The following NIBAN1 variants were observed in gnomAD, a reference collection of about 807,000 sequenced individuals.
NIBAN1 encodes protein Niban 1.
Under a neutral mutation model 75.1 loss-of-function variants are expected in NIBAN1, and 81 were observed. The ratio of observed to expected loss-of-function variants is 1.08; its 90% confidence interval spans 0.90 to 1.30. The LOEUF (loss-of-function observed/expected upper bound fraction) is 1.30, where lower values mean the gene tolerates loss of function less well. Among genes scored for constraint, NIBAN1 ranks in the 50% most tolerant of loss-of-function variants. The pLI, the probability that NIBAN1 is intolerant of heterozygous loss-of-function variation, is 0.00. For missense variants in NIBAN1, 1,133 were observed against 1,128.1 expected, an observed-to-expected ratio of 1.00 and a Z score of -0.06; for synonymous variants, 436 against 424.8, an observed-to-expected ratio of 1.03 and a Z score of -0.32.
chr1:184,896,874 G>GGTTC (rs1419921704), intron 2 of NIBAN1, among the ~76,000 whole-genome samples: 3 of 151,804 alleles, frequency 2.0e-5, no homozygotes, highest in Non-Finnish European at 4.4e-5. Context: ...TTTATTTCTG[G>GGTTC]GTTCTCCATT....
intron 5 of NIBAN1, among the ~76,000 whole-genome samples, chr1:184,872,065 C>T (rs967404357): frequency 6.6e-6 from 1 of 151,974 alleles, no homozygotes; most frequent in Non-Finnish European, 1.5e-5. Context: ...AATAAGGTAC[C>T]ATGAGTAAGA....
chr1:184,899,141 A>G, intron 2 of NIBAN1, 38 bp downstream of exon 2: 1 of 1,610,806 alleles, frequency 6.2e-7, no homozygotes, highest in South Asian at 1.1e-5. Flanking sequence ...AGCCTTCTTC[A>G]AGGGGAAATA....
intron 5 of NIBAN1, among the ~76,000 whole-genome samples, chr1:184,833,554 T>C (rs1421667001): frequency 6.6e-6 from 1 of 151,784 alleles, no homozygotes; most frequent in East Asian, 1.9e-4. Flanking sequence ...CAAAAAAAAT[T>C]AGCTGAGCAC....
intron 1 of NIBAN1, among the ~76,000 whole-genome samples, chr1:184,904,725 T>C (rs1166124147): frequency 1.3e-5 from 2 of 152,078 alleles, no homozygotes; most frequent in South Asian, 2.1e-4. Flanking sequence ...CCAAGGTGGG[T>C]GGATCACTTG....
intron 3 of NIBAN1, among the ~76,000 whole-genome samples, chr1:184,893,769 C>G (rs1016685169): frequency 6.6e-6 from 1 of 152,220 alleles, no homozygotes; most frequent in East Asian, 1.9e-4. Context: ...TGTCTTCATA[C>G]TCACTTGCAA....
chr1:184,946,846 G>A (rs1400635918), intron 1 of NIBAN1, among the ~76,000 whole-genome samples: 1 of 152,094 alleles, frequency 6.6e-6, no homozygotes, highest in Non-Finnish European at 1.5e-5. Context: ...GGCCAAGGCG[G>A]ATGGATCACC....
intron 5 of NIBAN1, among the ~76,000 whole-genome samples, chr1:184,841,754 G>A (rs1316871155): frequency 6.6e-6 from 1 of 152,162 alleles, no homozygotes; most frequent in Non-Finnish European, 1.5e-5. Context: ...CCAACAGGAT[G>A]TCAAAATTTC....
chr1:184,917,816 A>G (rs1657434608), intron 1 of NIBAN1, among the ~76,000 whole-genome samples: 1 of 152,126 alleles, frequency 6.6e-6, no homozygotes, highest in Non-Finnish European at 1.5e-5. Flanking sequence ...AAGTCCCAGA[A>G]AAGAAAATTA....
At chr1:184,932,478 C>T (rs1028060712) in intron 1 of NIBAN1, among the ~76,000 whole-genome samples, 2 of 152,038 alleles carry the variant, frequency 1.3e-5, no homozygotes, top group Non-Finnish European at 2.9e-5. Context: ...CTAATGCTGC[C>T]GCTGACCTGA....
At chr1:184,851,742 TA>T (rs1655542752) in intron 5 of NIBAN1, among the ~76,000 whole-genome samples, 1 of 151,758 alleles carries the variant, frequency 6.6e-6, no homozygotes, top group South Asian at 2.1e-4. Flanking sequence ...GCATAAGAAA[TA>T]AAAGGTGAGT....
At chr1:184,915,286 T>G (rs763333870) in intron 1 of NIBAN1, among the ~76,000 whole-genome samples, 2 of 152,220 alleles carry the variant, frequency 1.3e-5, no homozygotes, top group Non-Finnish European at 2.9e-5. Flanking sequence ...CTCCAGGAGA[T>G]TCTTACGATG....
At chr1:184,967,035 A>AG (rs1357165167) in intron 1 of NIBAN1, among the ~76,000 whole-genome samples, 1 of 152,228 alleles carries the variant, frequency 6.6e-6, no homozygotes, top group Admixed American at 6.5e-5. Context: ...TTTCTAAGTG[A>AG]GAAAAAACAT....
chr1:184,891,017 GTT>G (rs2101977945), intron 3 of NIBAN1, among the ~76,000 whole-genome samples: 1 of 152,284 alleles, frequency 6.6e-6, no homozygotes, highest in South Asian at 2.1e-4. Flanking sequence ...AACTAAGAAA[GTT>G]TGAGACCCAA....
intron 1 of NIBAN1, among the ~76,000 whole-genome samples, chr1:184,940,754 A>G (rs1367262652): frequency 6.6e-6 from 1 of 152,242 alleles, no homozygotes; most frequent in Non-Finnish European, 1.5e-5. Context: ...GTGAGTAAAA[A>G]TGCTCAGGCA....
intron 1 of NIBAN1, among the ~76,000 whole-genome samples, chr1:184,959,390 A>G (rs1658572894): frequency 6.6e-6 from 1 of 152,216 alleles, no homozygotes; most frequent in African/African-American, 2.4e-5. Flanking sequence ...CATTTTTCTC[A>G]TCATGTTCAC....
At chr1:184,941,008 C>A (rs1170370588) in intron 1 of NIBAN1, among the ~76,000 whole-genome samples, 1 of 152,164 alleles carries the variant, frequency 6.6e-6, no homozygotes, top group Non-Finnish European at 1.5e-5. Context: ...TCTTATATTC[C>A]AATTATTTTC....
chr1:184,885,036 G>T (rs1211536461), intron 4 of NIBAN1, among the ~76,000 whole-genome samples: 1 of 152,036 alleles, frequency 6.6e-6, no homozygotes, highest in African/African-American at 2.4e-5. Context: ...GGACAGTGAG[G>T]ATACCAGGAA....
intron 5 of NIBAN1, among the ~76,000 whole-genome samples, chr1:184,840,329 A>G (rs1387369795): frequency 6.6e-6 from 1 of 152,190 alleles, no homozygotes; most frequent in Non-Finnish European, 1.5e-5. Context: ...TCATATCTGT[A>G]TTAGTGGACA....
intron 5 of NIBAN1, among the ~76,000 whole-genome samples, chr1:184,842,647 A>G (rs658194): frequency 0.58 from 87,880 of 151,712 alleles, 25,941 homozygotes; most frequent in African/African-American, 0.67. Context: ...TAGCTACTCT[A>G]GAAGCTGAGG....
Sources: allele counts gnomAD v4.1 joint callset (sites outside exome capture counted in the v4.1 genomes callset), GRCh38; gene constraint gnomAD v4.1.1; transcripts MANE v1.5; gene names NCBI Gene and HGNC (gene_info 2026-07-23, HGNC 2026-07-21).